The following CYP7B1 variants were observed in gnomAD, a reference collection of about 807,000 sequenced individuals.
The protein encoded by CYP7B1 is cytochrome P450 7B1.
Under a neutral mutation model 42.7 loss-of-function variants are expected in CYP7B1, and 29 were observed. The observed-to-expected ratio is 0.68, with a 90% CI of 0.51 to 0.93. CYP7B1 has a LOEUF of 0.93. Ranked by LOEUF, CYP7B1 falls within the 40% of genes least tolerant of loss-of-function variation. CYP7B1 has a pLI of 0.00. For missense variants in CYP7B1, 655 were observed against 600.5 expected (o/e 1.09, Z -0.95); for synonymous variants, 235 against 218.2 (o/e 1.08, Z -0.68).
intron 1 of CYP7B1, among the ~76,000 whole-genome samples, chr8:64,667,754 G>A (rs1806303679): frequency 6.6e-6 from 1 of 152,106 alleles, no homozygotes; most frequent in Non-Finnish European, 1.5e-5. Context: ...TGTCTTCCTT[G>A]AAGCAGGATG....
At chr8:64,680,050 C>T (rs992211832) in intron 1 of CYP7B1, among the ~76,000 whole-genome samples, 44 of 152,028 alleles carry the variant, frequency 2.9e-4, no homozygotes, top group African/African-American at 9.9e-4. Flanking sequence ...CTTTGATCAA[C>T]ATCTCCCCAT....
intron 1 of CYP7B1, among the ~76,000 whole-genome samples, chr8:64,658,964 G>A (rs1361192080): frequency 2.0e-5 from 3 of 152,214 alleles, no homozygotes. Context: ...CACATGTGCA[G>A]GAACTAATCT....
At chr8:64,751,634 A>T (rs577802387) in intron 1 of CYP7B1, among the ~76,000 whole-genome samples, 17 of 152,206 alleles carry the variant, frequency 1.1e-4, no homozygotes, top group Non-Finnish European at 2.5e-4. Context: ...GTCAAACGGC[A>T]TGCATGCATT....
chr8:64,721,069 T>C (rs1361137649), intron 1 of CYP7B1, among the ~76,000 whole-genome samples: 1 of 151,390 alleles, frequency 6.6e-6, no homozygotes, highest in Non-Finnish European at 1.5e-5. Context: ...AATGACAAAG[T>C]ATAGAAAACT....
chr8:64,697,683 G>A (rs535079208), intron 1 of CYP7B1, among the ~76,000 whole-genome samples: 12 of 152,308 alleles, frequency 7.9e-5, no homozygotes, highest in Admixed American at 7.9e-4. Context: ...TTCGTTTCAC[G>A]AAAAGGCTGA....
intron 1 of CYP7B1, among the ~76,000 whole-genome samples, chr8:64,726,631 C>T (rs1369069018): frequency 6.6e-6 from 1 of 152,138 alleles, no homozygotes; most frequent in African/African-American, 2.4e-5. Flanking sequence ...TGTTCTACCT[C>T]GCTGTGTTAA....
At chr8:64,715,061 G>C (rs1807134932) in intron 1 of CYP7B1, among the ~76,000 whole-genome samples, 1 of 152,094 alleles carries the variant, frequency 6.6e-6, no homozygotes, top group South Asian at 2.1e-4. Context: ...ATGAATTACA[G>C]GCCAGAAATT....
At chr8:64,605,386 G>A (rs1805264630) in intron 4 of CYP7B1, among the ~76,000 whole-genome samples, 1 of 152,082 alleles carries the variant, frequency 6.6e-6, no homozygotes, top group Non-Finnish European at 1.5e-5. Flanking sequence ...ACATTTGCTG[G>A]AAAATTTTCA....
chr8:64,606,222 G>C (rs190400344), intron 4 of CYP7B1, among the ~76,000 whole-genome samples: 7 of 152,262 alleles, frequency 4.6e-5, no homozygotes, highest in African/African-American at 1.4e-4. Flanking sequence ...TTGGTGATGA[G>C]GCCAGAAAAG....
In CYP7B1 at chr8:64,774,305, T is replaced by C. The variant is rs1804285232; in HGVS notation, c.122+24161A>G. On this transcript the variant is annotated intron_variant, in intron 1 of 5. Transcript: ENST00000310193. ...CTTTCATCTCTATGTAACCAGTAGC[T>C]AACAAAGCATGTATATAGTAGGTAG... 2.6e-5 allele frequency among the ~76,000 whole-genome samples: 4 copies of C among 152,198 alleles called. No homozygotes were observed. In the South Asian group the frequency reaches 8.3e-4, roughly 31 times the overall value.
chr8:64,748,359 C>A (rs942536060), intron 1 of CYP7B1, among the ~76,000 whole-genome samples: 3 of 152,192 alleles, frequency 2.0e-5, no homozygotes, highest in African/African-American at 7.2e-5. Flanking sequence ...TCCTCCCCTA[C>A]AATCCCTCCC....
chr8:64,798,594 C>T lies in CYP7B1; in HGVS notation c.-7G>A, dbSNP rs1480529865. The T allele has an allele frequency of 1.4e-6, 2 of 1,457,112 alleles. No individual in the cohort carries two copies. The highest frequency in any genetic ancestry group is 1.8e-6 in the Non-Finnish European group (2 of 1,114,342). The allele number at this position is 1,457,112 out of a possible 1,614,324, so 90.3% of individuals were successfully genotyped here. On this transcript the variant is annotated 5_prime_UTR_variant, in exon 1 of 6. Coordinates refer to ENST00000310193, the MANE Select transcript of CYP7B1 (RefSeq NM_004820.5). ...CGGACACTTCTCCTGCCATCCGGCG[C>T]GCGCTAGGCCGCGGTGGGCAGCCCG...
intron 2 of CYP7B1, among the ~76,000 whole-genome samples, chr8:64,621,785 G>A (rs375026174): frequency 2.0e-5 from 3 of 149,946 alleles, no homozygotes; most frequent in Admixed American, 1.3e-4. Flanking sequence ...CAACAGGCTG[G>A]AGTGCAGTGG....
chr8:64,780,362 T>C (rs1403556496), intron 1 of CYP7B1, among the ~76,000 whole-genome samples: 1 of 152,148 alleles, frequency 6.6e-6, no homozygotes, highest in Non-Finnish European at 1.5e-5. Flanking sequence ...AAGTAAAGCT[T>C]CTAAAGTTTC....
At chr8:64,626,160 C>T (rs1467975850) in intron 1 of CYP7B1, among the ~76,000 whole-genome samples, 1 of 152,106 alleles carries the variant, frequency 6.6e-6, no homozygotes, top group Non-Finnish European at 1.5e-5. Flanking sequence ...AGTCATGAAA[C>T]TATGTAAGGA....
At chr8:64,758,209 T>G (rs1261816663) in intron 1 of CYP7B1, among the ~76,000 whole-genome samples, 5 of 151,934 alleles carry the variant, frequency 3.3e-5, no homozygotes, top group Non-Finnish European at 7.4e-5. Flanking sequence ...GGAGGAAAAA[T>G]AAATGGCTGG....
intron 3 of CYP7B1, among the ~76,000 whole-genome samples, 185 bp from the exon 4 acceptor site, chr8:64,615,417 T>C (rs1563363728): frequency 1.1e-5 from 1 of 93,042 alleles, no homozygotes; most frequent in African/African-American, 3.9e-5. Flanking sequence ...GTAATGTGTA[T>C]GGGGGGGGCG....
intron 1 of CYP7B1, among the ~76,000 whole-genome samples, chr8:64,666,784 T>C (rs1478003188): frequency 6.6e-6 from 1 of 152,230 alleles, no homozygotes; most frequent in Non-Finnish European, 1.5e-5. Flanking sequence ...CTATAGTCGT[T>C]ACCTTCCTTA....
chr8:64,610,541 C>T (rs896316889), intron 4 of CYP7B1, among the ~76,000 whole-genome samples: 3 of 152,118 alleles, frequency 2.0e-5, no homozygotes, highest in Non-Finnish European at 4.4e-5. Context: ...AAACATATCA[C>T]ACTAACGTAA....
Sources: allele counts gnomAD v4.1 joint callset (sites outside exome capture counted in the v4.1 genomes callset), GRCh38; gene constraint gnomAD v4.1.1; transcripts MANE v1.5; gene names NCBI Gene and HGNC (gene_info 2026-07-23, HGNC 2026-07-21).